Variants in SNX27 observed in about 807,000 individuals in gnomAD.
SNX27 encodes sorting nexin-27.
A neutral mutation model predicts 71.6 loss-of-function variants in SNX27; 22 were observed. The ratio of observed to expected loss-of-function variants is 0.31; its 90% confidence interval spans 0.22 to 0.44. The LOEUF (loss-of-function observed/expected upper bound fraction) is 0.44, where lower values mean the gene tolerates loss of function less well. Ranked by LOEUF, SNX27 falls within the 20% of genes least tolerant of loss-of-function variation. The pLI, the probability that SNX27 is intolerant of heterozygous loss-of-function variation, is 1.00. For synonymous variants in SNX27, 269 were observed against 277.2 expected, an observed-to-expected ratio of 0.97 and a Z score of 0.29; for missense variants, 531 against 698.6, an observed-to-expected ratio of 0.76 and a Z score of 2.70.
At position 151,666,022 on chromosome 1, in the gene SNX27, G is replaced by C. The variant is rs917127598; in HGVS notation, c.985+11G>C. On this transcript the variant is annotated intron_variant, in intron 6 of 11. Coordinates refer to ENST00000458013, the MANE Select transcript of SNX27 (RefSeq NM_001330723.2). Reference sequence around the variant, plus strand: ...TCAGTCACTCCTTTGGTAAGTACCAGTGGCTGATACTAAGTTTTGTTTTCT... The same window carrying C: ...TCAGTCACTCCTTTGGTAAGTACCACTGGCTGATACTAAGTTTTGTTTTCT... 2 of 1,602,726 alleles carry C rather than the reference G, an allele frequency of 1.2e-6. No homozygotes were observed. Among genetic ancestry groups the C allele is most frequent in the Non-Finnish European group, 1.7e-6 (2 of 1,171,964 alleles).
At chr1:151,693,333 A>G in intron 10 of SNX27, 91 bp from the exon 11 acceptor site, 1 of 1,292,074 alleles carries the variant, frequency 7.7e-7, no homozygotes, top group Non-Finnish European at 1.1e-6. Context: ...TGAGTTTGGA[A>G]GATGGGATGA....
rs375793427 is a variant in SNX27, at chr1:151,691,805, C to T, written c.1240-630C>T. Among the ~76,000 whole-genome samples, 23 of 152,076 alleles carry T rather than the reference C, an allele frequency of 1.5e-4. No homozygotes were observed. In the South Asian group the frequency reaches 1.7e-3, roughly 11 times the overall value. On this transcript the variant is annotated intron_variant, in intron 8 of 11. Transcript: ENST00000458013. Reference sequence around the variant, plus strand: ...TTGGGATTACCGGCGTGAGCCACCGCGCCTGGCCTGTATCTTTTTGAAGTA... The same window carrying T: ...TTGGGATTACCGGCGTGAGCCACCGTGCCTGGCCTGTATCTTTTTGAAGTA...
chr1:151,633,541 G>C (rs1335197164), intron 1 of SNX27, among the ~76,000 whole-genome samples: 1 of 117,032 alleles, frequency 8.5e-6, no homozygotes, highest in East Asian at 2.2e-4. Context: ...CAAGTGATCC[G>C]CCCTGCCTCT....
chr1:151,663,774 T>C (rs907425071), intron 5 of SNX27, among the ~76,000 whole-genome samples: 1 of 152,206 alleles, frequency 6.6e-6, no homozygotes, highest in Non-Finnish European at 1.5e-5. Flanking sequence ...TTAGTGGTAC[T>C]GAGGTTAACC....
chr1:151,682,841 G>A (rs1289360146), intron 7 of SNX27, among the ~76,000 whole-genome samples: 1 of 152,218 alleles, frequency 6.6e-6, no homozygotes, highest in East Asian at 1.9e-4. Context: ...TGGAGACTAG[G>A]CTGGCCAATG....
At chr1:151,665,036 T>G (rs942885883) in intron 5 of SNX27, among the ~76,000 whole-genome samples, 2 of 152,206 alleles carry the variant, frequency 1.3e-5, no homozygotes, top group African/African-American at 4.8e-5. Context: ...TGAGCAGATA[T>G]GAGAAGAAGG....
At chr1:151,673,417 G>A (rs937174525) in intron 7 of SNX27, among the ~76,000 whole-genome samples, 12 of 151,896 alleles carry the variant, frequency 7.9e-5, no homozygotes, top group African/African-American at 2.9e-4. Flanking sequence ...TTTTAAAAAC[G>A]TTTTAAGACT....
intron 1 of SNX27, among the ~76,000 whole-genome samples, chr1:151,638,066 A>G (rs1668550826): frequency 6.6e-6 from 1 of 152,204 alleles, no homozygotes; most frequent in Admixed American, 6.5e-5. Flanking sequence ...CTTTCTTGAC[A>G]AAATACTTCA....
intron 7 of SNX27, chr1:151,679,441 A>G (rs1670843215): frequency 6.6e-6 from 1 of 152,258 alleles, no homozygotes. Flanking sequence ...CACACATTTA[A>G]GCTGCTGTTT....
At chr1:151,638,808 G>A in intron 1 of SNX27, 80 bp from the exon 2 acceptor site, 2 of 1,302,964 alleles carry the variant, frequency 1.5e-6, no homozygotes, top group Non-Finnish European at 2.2e-6. Flanking sequence ...TGACACTGGA[G>A]TTTGGGCAGG....
rs534698200 is a variant in SNX27 at position 151,668,209 on chromosome 1, A to G, written c.986-263A>G. 3.9e-5 allele frequency among the ~76,000 whole-genome samples: 6 copies of G among 152,288 alleles called. No homozygotes were observed. The East Asian group carries it at 9.7e-4, about 24-fold the overall frequency. On this transcript the variant is annotated intron_variant, in intron 6 of 11. Coordinates refer to ENST00000458013, the MANE Select transcript of SNX27 (RefSeq NM_001330723.2). Reference sequence around the variant, plus strand: ...TCAACATGAACTTTGCGGGGTGACAAATATCCAAACCACGGCACTTGTCAT... The same window carrying G: ...TCAACATGAACTTTGCGGGGTGACAGATATCCAAACCACGGCACTTGTCAT...
chr1:151,666,404 T>TA lies in SNX27; in HGVS notation c.985+394dup, dbSNP rs200048192. ...TTTCTGTTTTCAGAAGTTAGGAAGATATGTGTTGGTTAAAAGCCTTGTTTT... is the reference window on the plus strand; with the variant it reads ...TTTCTGTTTTCAGAAGTTAGGAAGATAATGTGTTGGTTAAAAGCCTTGTTTT... On this transcript the variant is annotated intron_variant, in intron 6 of 11. Transcript: ENST00000458013. The TA allele has an allele frequency of 1.9e-3, 297 of 156,674 alleles. 2 individuals are homozygous for TA. The highest frequency in any genetic ancestry group is 6.6e-3 in the African/African-American group (277 of 41,796). The allele number at this position is 156,674 out of a possible 1,614,324, so 9.7% of individuals were successfully genotyped here.
At chr1:151,649,034 C>T (rs1313808609) in intron 2 of SNX27, among the ~76,000 whole-genome samples, 1 of 151,648 alleles carries the variant, frequency 6.6e-6, no homozygotes, top group Non-Finnish European at 1.5e-5. Flanking sequence ...ACGATCTCGG[C>T]TCACTACAGC....
intron 2 of SNX27, among the ~76,000 whole-genome samples, chr1:151,644,385 A>G (rs1387209436): frequency 1.3e-5 from 2 of 152,144 alleles, no homozygotes; most frequent in Non-Finnish European, 2.9e-5. Context: ...AAATGGAATC[A>G]TGGTTTTTTT....
At chr1:151,627,979 A>G (rs921524153) in intron 1 of SNX27, among the ~76,000 whole-genome samples, 18 of 149,658 alleles carry the variant, frequency 1.2e-4, no homozygotes, top group Admixed American at 6.7e-4. Flanking sequence ...ACATGGACTT[A>G]AGGTTCCTGC....
chr1:151,666,763 T>A (rs1020785650), intron 6 of SNX27: 12 of 152,238 alleles, frequency 7.9e-5, no homozygotes, highest in African/African-American at 2.7e-4. Context: ...CCAGGTAGAA[T>A]AACTTTGATT....
At chr1:151,673,509 A>ATC (rs1670536418) in intron 7 of SNX27, among the ~76,000 whole-genome samples, 2 of 152,142 alleles carry the variant, frequency 1.3e-5, no homozygotes, top group Admixed American at 1.3e-4. Flanking sequence ...CAGTCATTGG[A>ATC]TGAAGTGTTC....
chr1:151,685,744 A>G (rs2102729291), intron 8 of SNX27, among the ~76,000 whole-genome samples: 1 of 152,334 alleles, frequency 6.6e-6, no homozygotes, highest in South Asian at 2.1e-4. Flanking sequence ...CTGTAATCTT[A>G]TATCTAGCTA....
chr1:151,691,596 G>C (rs1276041046), intron 8 of SNX27, among the ~76,000 whole-genome samples: 1 of 150,352 alleles, frequency 6.7e-6, no homozygotes, highest in African/African-American at 2.4e-5. Context: ...TCAGCCTTCC[G>C]AGTAGCTGGA....
Sources: allele counts gnomAD v4.1 joint callset (sites outside exome capture counted in the v4.1 genomes callset), GRCh38; gene constraint gnomAD v4.1.1; transcripts MANE v1.5; gene names NCBI Gene and HGNC (gene_info 2026-07-23, HGNC 2026-07-21).